SEMA3C: variants seen among roughly 807,000 people sequenced by gnomAD.
The protein encoded by SEMA3C is semaphorin 3C.
In SEMA3C, 47 loss-of-function variants were observed where a neutral mutation model predicts 89.4. The observed-to-expected ratio is 0.53, with a 90% CI of 0.42 to 0.67. SEMA3C has a LOEUF of 0.67. Ranked by LOEUF, SEMA3C falls within the 30% of genes least tolerant of loss-of-function variation. The pLI, the probability that SEMA3C is intolerant of heterozygous loss-of-function variation, is 0.00. For missense variants in SEMA3C, 839 were observed against 929.1 expected (o/e 0.90, Z 1.26); for synonymous variants, 310 against 320.2 (o/e 0.97, Z 0.34).
chr7:80,799,427 T>C (rs1274410024), intron 10 of SEMA3C, among the ~76,000 whole-genome samples: 8 of 151,894 alleles, frequency 5.3e-5, no homozygotes, highest in Non-Finnish European at 1.2e-4. Flanking sequence ...TAAAGAAAAA[T>C]ATGAGCAAGA....
chr7:80,779,866 C>T (rs1788653457), intron 12 of SEMA3C, among the ~76,000 whole-genome samples: 1 of 152,168 alleles, frequency 6.6e-6, no homozygotes, highest in Non-Finnish European at 1.5e-5. Flanking sequence ...AAGCAAACAA[C>T]CACATTTTAA....
chr7:80,809,268 T>C (rs1053613043), intron 6 of SEMA3C, among the ~76,000 whole-genome samples: 5 of 152,186 alleles, frequency 3.3e-5, no homozygotes, highest in African/African-American at 1.2e-4. Context: ...ATCTCCTTTT[T>C]GGCATAGCAA....
At chr7:80,751,180 T>C in intron 16 of SEMA3C, 89 bp downstream of exon 16, 1 of 1,080,362 alleles carries the variant, frequency 9.3e-7, no homozygotes, top group East Asian at 2.4e-5. Flanking sequence ...GTGAAACGCC[T>C]GAATCTATGA....
chr7:80,754,035 T>C (rs1251935135), intron 15 of SEMA3C, among the ~76,000 whole-genome samples: 1 of 152,150 alleles, frequency 6.6e-6, no homozygotes, highest in East Asian at 1.9e-4. Flanking sequence ...CCTCCCAGGT[T>C]CAAGCGACTC....
Position 80,764,342 on chromosome 7 carries a change from C to A in SEMA3C, c.1443+813G>T, listed in dbSNP as rs555318427. Among the ~76,000 whole-genome samples, 94 of 152,226 alleles carry A rather than the reference C, an allele frequency of 6.2e-4. 1 individual carries two copies. The South Asian group carries it at 0.016, about 26-fold the overall frequency. On this transcript the variant is annotated intron_variant, in intron 13 of 17. Transcript: ENST00000265361. ...GTTCTGCAGCAGGACTGATTCCATG[C>A]CAAACTTTCTTTGCAATTCTAATAG...
chr7:80,822,251 G>A (rs1406762486), intron 4 of SEMA3C, among the ~76,000 whole-genome samples: 1 of 151,960 alleles, frequency 6.6e-6, no homozygotes, highest in Non-Finnish European at 1.5e-5. Context: ...TACCGTAGAA[G>A]GAAAGAAAGG....
At chr7:80,809,396 C>A (rs1789414487) in intron 6 of SEMA3C, among the ~76,000 whole-genome samples, 1 of 152,114 alleles carries the variant, frequency 6.6e-6, no homozygotes, top group Admixed American at 6.5e-5. Context: ...GGAGTGCAGA[C>A]AACTCTTTGA....
chr7:80,793,605 C>T, intron 11 of SEMA3C: 1 of 372,596 alleles, frequency 2.7e-6, no homozygotes, highest in Non-Finnish European at 5.2e-6. Context: ...ATCAATTTCC[C>T]TACATACTCA....
rs375289937 is a variant in SEMA3C, at chr7:80,808,935, C to T, written c.538+1676G>A. On this transcript the variant is annotated intron_variant, in intron 6 of 17. Transcript: ENST00000265361. ...GATTACAGGTGCACGCCACCACGCC[C>T]GGCTCATTTTTTTGTATTTTTAGTA... 9.9e-5 allele frequency among the ~76,000 whole-genome samples: 15 copies of T among 152,118 alleles called. 1 individual carries two copies. The highest frequency in any genetic ancestry group is 3.9e-4 in the Admixed American group (6 of 15,266).
rs149900681 is a variant in SEMA3C at position 80,801,710 on chromosome 7, T to C, written c.917-884A>G. Among the ~76,000 whole-genome samples the C allele has an allele frequency of 1.2e-4, 18 of 152,048 alleles. No individual in the cohort carries two copies. In the East Asian group the frequency reaches 3.3e-3, roughly 28 times the overall value. ...AGTCCTTCCATATGTGAATAAAGGCTGACAATGTCTAGCTCTCCCTAAAAA... is the reference window on the plus strand; with the variant it reads ...AGTCCTTCCATATGTGAATAAAGGCCGACAATGTCTAGCTCTCCCTAAAAA... On this transcript the variant is annotated intron_variant, in intron 9 of 17. Transcript: ENST00000265361.
chr7:80,773,098 T>A (rs1788470437), intron 12 of SEMA3C, among the ~76,000 whole-genome samples: 1 of 152,202 alleles, frequency 6.6e-6, no homozygotes. Context: ...GTTGTCTGCA[T>A]TTAATCAAAG....
At chr7:80,793,739 A>G (rs555020395) in intron 11 of SEMA3C, among the ~76,000 whole-genome samples, 6 of 152,018 alleles carry the variant, frequency 3.9e-5, no homozygotes, top group African/African-American at 1.4e-4. Context: ...TTCGTAGGGC[A>G]TGGCTGGATC....
intron 4 of SEMA3C, among the ~76,000 whole-genome samples, chr7:80,823,984 A>G (rs1367867664): frequency 6.6e-6 from 1 of 152,100 alleles, no homozygotes; most frequent in African/African-American, 2.4e-5. Flanking sequence ...GACCATGAAA[A>G]TTTATTTTCT....
At chr7:80,849,049 T>G (rs1790452622) in intron 2 of SEMA3C, among the ~76,000 whole-genome samples, 1 of 152,152 alleles carries the variant, frequency 6.6e-6, no homozygotes, top group African/African-American at 2.4e-5. Flanking sequence ...CAAGAGATTT[T>G]ACTGCCTTTT....
intron 2 of SEMA3C, among the ~76,000 whole-genome samples, chr7:80,878,006 ATT>A (rs1481632352): frequency 6.6e-6 from 1 of 152,186 alleles, no homozygotes; most frequent in African/African-American, 2.4e-5. Flanking sequence ...TATCTCCTTC[ATT>A]TAAATTTAAT....
chr7:80,838,574 T>C (rs1005411443), intron 2 of SEMA3C, among the ~76,000 whole-genome samples: 4 of 152,126 alleles, frequency 2.6e-5, no homozygotes, highest in Non-Finnish European at 5.9e-5. Context: ...TCCCCTACTA[T>C]ATTAGTCCAT....
intron 5 of SEMA3C, 26 bp downstream of exon 5, chr7:80,818,273 T>G (rs1483052149): frequency 3.2e-6 from 5 of 1,552,614 alleles, no homozygotes; most frequent in Non-Finnish European, 4.4e-6. Context: ...ATATCAAAAC[T>G]AAGAATGTTA....
At chr7:80,863,884 T>TATATATCACAC (rs1554383190) in intron 2 of SEMA3C, among the ~76,000 whole-genome samples, 1,415 of 119,204 alleles carry the variant, frequency 0.012, 35 homozygotes, top group African/African-American at 0.043. Flanking sequence ...ATGTATCACA[T>TATATATCACAC]ATATATCACA....
chr7:80,805,251 T>A (rs938244160), intron 7 of SEMA3C, among the ~76,000 whole-genome samples: 1 of 152,108 alleles, frequency 6.6e-6, no homozygotes, highest in African/African-American at 2.4e-5. Flanking sequence ...GTCATACATT[T>A]GGGATAATTT....
Sources: allele counts gnomAD v4.1 joint callset (sites outside exome capture counted in the v4.1 genomes callset), GRCh38; gene constraint gnomAD v4.1.1; transcripts MANE v1.5; gene names NCBI Gene and HGNC (gene_info 2026-07-23, HGNC 2026-07-21).